The following VAMP4 variants were observed in gnomAD, a reference collection of about 807,000 sequenced individuals.
VAMP4 encodes the protein vesicle associated membrane protein 4.
Under a neutral mutation model 23.5 loss-of-function variants are expected in VAMP4, and 19 were observed. That is an observed-to-expected ratio of 0.81 (90% CI 0.56 to 1.19). The LOEUF is 1.19. Ranked by LOEUF, VAMP4 falls within the 50% of genes most tolerant of loss-of-function variation. The pLI is 0.00. For synonymous variants in VAMP4, 31 were observed against 51.0 expected, an observed-to-expected ratio of 0.61 and a Z score of 1.67; for missense variants, 145 against 168.6, an observed-to-expected ratio of 0.86 and a Z score of 0.78.
intron 4 of VAMP4, among the ~76,000 whole-genome samples, chr1:171,713,668 A>T (rs576939386): frequency 7.9e-5 from 12 of 152,212 alleles, no homozygotes; most frequent in South Asian, 4.1e-4. Flanking sequence ...CCTTGTCTTT[A>T]CAAAAAAATT....
intron 4 of VAMP4, among the ~76,000 whole-genome samples, chr1:171,714,633 A>C (rs937749393): frequency 6.6e-6 from 1 of 152,144 alleles, no homozygotes; most frequent in Non-Finnish European, 1.5e-5. Flanking sequence ...TTAGCCGAGC[A>C]TGGTGGTGTG....
chr1:171,721,768 T>C (rs1335075057), intron 3 of VAMP4, among the ~76,000 whole-genome samples: 2 of 152,138 alleles, frequency 1.3e-5, no homozygotes, highest in South Asian at 2.1e-4. Flanking sequence ...CACAAACAAA[T>C]GGAAGAACAT....
At chr1:171,724,365 C>T (rs1655298412) in intron 3 of VAMP4, among the ~76,000 whole-genome samples, 3 of 151,810 alleles carry the variant, frequency 2.0e-5, no homozygotes, top group Admixed American at 1.3e-4. Context: ...GGAGATATAT[C>T]TAATGTAAAT....
At chr1:171,733,440 A>G (rs1655628646) in intron 2 of VAMP4, among the ~76,000 whole-genome samples, 1 of 152,100 alleles carries the variant, frequency 6.6e-6, no homozygotes, top group Admixed American at 6.6e-5. Flanking sequence ...AGCCTGGGTG[A>G]CAAAGCCAGA....
At chr1:171,723,013 A>G (rs1374605194) in intron 3 of VAMP4, among the ~76,000 whole-genome samples, 1 of 152,158 alleles carries the variant, frequency 6.6e-6, no homozygotes, top group Non-Finnish European at 1.5e-5. Flanking sequence ...GGGAAAGACT[A>G]CAAAAGAGAG....
intron 3 of VAMP4, among the ~76,000 whole-genome samples, chr1:171,725,910 A>G (rs1454338409): frequency 6.6e-6 from 1 of 151,012 alleles, no homozygotes; most frequent in East Asian, 1.9e-4. Context: ...CTGGTCTCGA[A>G]CTCCTGACCT....
At chr1:171,709,841 G>A in intron 5 of VAMP4, 97 bp from the exon 6 acceptor site, 1 of 954,952 alleles carries the variant, frequency 1.0e-6, no homozygotes. Context: ...TTCTACTTCT[G>A]CAAATTTATT....
At chr1:171,736,397 T>C (rs1655742118) in intron 2 of VAMP4, among the ~76,000 whole-genome samples, 1 of 152,188 alleles carries the variant, frequency 6.6e-6, no homozygotes, top group African/African-American at 2.4e-5. Flanking sequence ...ACTTGGTATA[T>C]TTCAAGGCAT....
intron 4 of VAMP4, among the ~76,000 whole-genome samples, chr1:171,714,918 T>C (rs1178191035): frequency 6.6e-6 from 1 of 152,140 alleles, no homozygotes; most frequent in Admixed American, 6.5e-5. Context: ...AGGAAGCCCA[T>C]AGTATCAGTC....
At chr1:171,731,552 T>A (rs941515346) in intron 2 of VAMP4, among the ~76,000 whole-genome samples, 9 of 152,102 alleles carry the variant, frequency 5.9e-5, no homozygotes, top group African/African-American at 2.2e-4. Flanking sequence ...AAATTTAAGC[T>A]GAGATCCAAA....
intron 3 of VAMP4, among the ~76,000 whole-genome samples, chr1:171,723,637 C>A (rs1655271423): frequency 2.6e-5 from 4 of 152,094 alleles, no homozygotes; most frequent in Admixed American, 2.6e-4. Context: ...TCAAGGTGAC[C>A]AGATTTCATA....
chr1:171,726,241 G>A (rs544206875), intron 3 of VAMP4, among the ~76,000 whole-genome samples: 7 of 151,292 alleles, frequency 4.6e-5, no homozygotes, highest in East Asian at 3.9e-4. Flanking sequence ...TAGTGGAGAC[G>A]GGGTTTCACT....
In VAMP4 at chr1:171,706,427, C is replaced by T. The variant is rs771951473; in HGVS notation, c.346-9G>A. 2 of 1,604,100 alleles carry T rather than the reference C, an allele frequency of 1.2e-6. No individual in the cohort carries two copies. Among genetic ancestry groups the T allele is most frequent in the South Asian group, 2.2e-5 (2 of 89,372 alleles). The stretch of plus-strand genomic sequence containing the variant: ...GCCATGATGGCTTTTATCTACAACA[C>T]ACAAAAGGGCATATATATTAATATT... On this transcript the variant is annotated splice_polypyrimidine_tract_variant and intron_variant, in intron 6 of 7. Coordinates refer to ENST00000236192, the MANE Select transcript of VAMP4 (RefSeq NM_003762.5).
chr1:171,714,530 G>A (rs1297626303), intron 4 of VAMP4, among the ~76,000 whole-genome samples: 2 of 152,224 alleles, frequency 1.3e-5, no homozygotes. Context: ...CCAGCACTTT[G>A]GGAGGCTGAG....
At chr1:171,722,621 A>G (rs1655231344) in intron 3 of VAMP4, among the ~76,000 whole-genome samples, 1 of 152,234 alleles carries the variant, frequency 6.6e-6, no homozygotes, top group African/African-American at 2.4e-5. Flanking sequence ...TTCTCAAAAG[A>G]AGACATTTAT....
At position 171,703,423 on chromosome 1, in the gene VAMP4, GTGTATATATATA is replaced by G. The variant is rs1158592432; in HGVS notation, c.*1071_*1082del. 1,921 of 81,908 alleles carry G rather than the reference GTGTATATATATA, an allele frequency of 0.023. 32 individuals are homozygous for G. Among genetic ancestry groups the G allele is most frequent in the Non-Finnish European group, 0.035 (1,473 of 42,176 alleles). 5.1% of individuals were successfully genotyped at this position (81,908 alleles called of 1,614,324 possible). Reference sequence around the variant, plus strand: ...TGTGTGTGTGTGTGTGTGTGTTTGTGTGTATATATATATATATATATATATATATATATATAT... The same window carrying G: ...TGTGTGTGTGTGTGTGTGTGTTTGTGTATATATATATATATATATATATAT... On this transcript the variant is annotated 3_prime_UTR_variant, in exon 8 of 8. Coordinates refer to ENST00000236192, the MANE Select transcript of VAMP4 (RefSeq NM_003762.5).
At chr1:171,713,926 T>C (rs542605016) in intron 4 of VAMP4, among the ~76,000 whole-genome samples, 1 of 152,314 alleles carries the variant, frequency 6.6e-6, no homozygotes, top group African/African-American at 2.4e-5. Flanking sequence ...TACTAGAGTA[T>C]CATAAACCTA....
intron 3 of VAMP4, among the ~76,000 whole-genome samples, chr1:171,723,913 A>G (rs949427622): frequency 6.6e-6 from 1 of 152,170 alleles, no homozygotes; most frequent in Non-Finnish European, 1.5e-5. Flanking sequence ...TGTCCATGAA[A>G]TCTTCACAAT....
intron 3 of VAMP4, among the ~76,000 whole-genome samples, chr1:171,721,186 C>A (rs1309129744): frequency 1.3e-5 from 2 of 152,034 alleles, no homozygotes; most frequent in Non-Finnish European, 2.9e-5. Context: ...ACAGTAACAA[C>A]ATGCAATGAA....
Sources: gnomAD v4.1 joint callset for allele counts (sites outside exome capture counted in the v4.1 genomes callset) on GRCh38, gnomAD v4.1.1 for gene constraint, MANE v1.5 for transcripts, NCBI Gene and HGNC (gene_info 2026-07-23, HGNC 2026-07-21) for gene names.